The following CPA6 variants were observed in gnomAD, a reference collection of about 807,000 sequenced individuals.
CPA6 encodes the protein carboxypeptidase A6.
CPA6 carries 58 observed loss-of-function variants against 63.3 expected under a neutral mutation model. The observed-to-expected ratio is 0.92, with a 90% confidence interval of 0.74 to 1.14. The LOEUF (loss-of-function observed/expected upper bound fraction) is 1.14. Among genes scored for constraint, CPA6 ranks in the 50% most tolerant of loss-of-function variants. CPA6 has a pLI of 0.00. For synonymous variants in CPA6, 185 were observed against 179.0 expected, an observed-to-expected ratio of 1.03 and a Z score of -0.27; for missense variants, 565 against 526.6, an observed-to-expected ratio of 1.07 and a Z score of -0.71.
rs562245763 is a variant in CPA6 at position 67,631,869 on chromosome 8, G to A, written c.117-7618C>T. ...CACCTTAAGAGCTGTAACACTCACC[G>A]CAAAGGTCTGCAGCTTCACTCCTGA... On this transcript the variant is annotated intron_variant, in intron 1 of 10. Coordinates refer to ENST00000297770, the MANE Select transcript of CPA6 (RefSeq NM_020361.5). Among the ~76,000 whole-genome samples the A allele has an allele frequency of 1.3e-4, 19 of 151,966 alleles. No homozygotes were observed. In the South Asian group the frequency reaches 4.0e-3, roughly 32 times the overall value.
intron 8 of CPA6, among the ~76,000 whole-genome samples, chr8:67,481,849 C>T (rs1159949064): frequency 1.3e-5 from 2 of 152,224 alleles, no homozygotes. Flanking sequence ...ACTTGGCTGC[C>T]TGCCTATCGG....
At chr8:67,565,362 C>G (rs543445660) in intron 2 of CPA6, among the ~76,000 whole-genome samples, 4 of 152,148 alleles carry the variant, frequency 2.6e-5, no homozygotes, top group East Asian at 1.9e-4. Context: ...CAGCAGCATG[C>G]GATTAAAAAA....
At chr8:67,628,354 CAG>C (rs1314190426) in intron 1 of CPA6, among the ~76,000 whole-genome samples, 1 of 152,192 alleles carries the variant, frequency 6.6e-6, no homozygotes, top group East Asian at 1.9e-4. Flanking sequence ...TGTTGAAAGA[CAG>C]AGATGTGAAG....
intron 2 of CPA6, among the ~76,000 whole-genome samples, chr8:67,541,180 C>A (rs1812695644): frequency 6.6e-6 from 1 of 152,092 alleles, no homozygotes; most frequent in Non-Finnish European, 1.5e-5. Context: ...ATGTAGGCAC[C>A]TGAGGGAATC....
intron 8 of CPA6, among the ~76,000 whole-genome samples, chr8:67,458,732 G>C (rs1302049128): frequency 1.3e-5 from 2 of 152,190 alleles, no homozygotes; most frequent in South Asian, 2.1e-4. Flanking sequence ...TTAAAAATGG[G>C]TTAAAGACCT....
At chr8:67,716,051 G>A (rs1024673433) in intron 1 of CPA6, among the ~76,000 whole-genome samples, 2 of 150,904 alleles carry the variant, frequency 1.3e-5, no homozygotes, top group African/African-American at 4.9e-5. Flanking sequence ...CTACTCAAAA[G>A]GCTGAGGCAG....
intron 2 of CPA6, among the ~76,000 whole-genome samples, chr8:67,563,836 T>G (rs1813272733): frequency 6.6e-6 from 1 of 152,180 alleles, no homozygotes; most frequent in Non-Finnish European, 1.5e-5. Flanking sequence ...TCTACCACAT[T>G]CTATGAGTCA....
At chr8:67,570,312 C>T (rs917716145) in intron 2 of CPA6, among the ~76,000 whole-genome samples, 1 of 152,086 alleles carries the variant, frequency 6.6e-6, no homozygotes, top group Non-Finnish European at 1.5e-5. Flanking sequence ...ACAGGAATTG[C>T]TAAAGGGAGT....
chr8:67,695,782 A>G (rs1816902198), intron 1 of CPA6, among the ~76,000 whole-genome samples: 1 of 152,188 alleles, frequency 6.6e-6, no homozygotes, highest in Non-Finnish European at 1.5e-5. Context: ...TCAGTGTCCA[A>G]TATATGGTGC....
At chr8:67,662,634 C>A (rs931502059) in intron 1 of CPA6, among the ~76,000 whole-genome samples, 2 of 150,200 alleles carry the variant, frequency 1.3e-5, no homozygotes, top group Non-Finnish European at 1.5e-5. Flanking sequence ...AGAATACATA[C>A]ACACATGTAT....
intron 4 of CPA6, 148 bp downstream of exon 4, chr8:67,511,393 T>C (rs1468885692): frequency 1.7e-6 from 1 of 600,462 alleles, no homozygotes; most frequent in Non-Finnish European, 3.0e-6. Context: ...GCCTGGGCCA[T>C]GTAAAAGCTA....
At chr8:67,716,976 G>A (rs1168493821) in intron 1 of CPA6, among the ~76,000 whole-genome samples, 4 of 152,162 alleles carry the variant, frequency 2.6e-5, no homozygotes, top group African/African-American at 9.7e-5. Context: ...GGAGGAGTAT[G>A]TTTGTTTCTA....
intron 8 of CPA6, among the ~76,000 whole-genome samples, chr8:67,477,060 GCAGGTGGATCATGAGGT>G (rs1486023361): frequency 1.3e-5 from 2 of 152,020 alleles, no homozygotes; most frequent in African/African-American, 4.8e-5. Flanking sequence ...AGAGGCCGAG[GCAGGTGGATCATGAGGT>G]CAGGAGATAG....
intron 2 of CPA6, among the ~76,000 whole-genome samples, chr8:67,552,843 T>C (rs980814943): frequency 6.8e-6 from 1 of 147,224 alleles, no homozygotes. Flanking sequence ...CTTAATTACA[T>C]TGTAACAAAA....
At chr8:67,507,666 T>C (rs1331026502) in intron 5 of CPA6, among the ~76,000 whole-genome samples, 1 of 152,120 alleles carries the variant, frequency 6.6e-6, no homozygotes, top group Non-Finnish European at 1.5e-5. Flanking sequence ...TATACACTAG[T>C]GGAGAGGGCA....
At chr8:67,455,567 A>G (rs149892528) in intron 8 of CPA6, among the ~76,000 whole-genome samples, 94 of 151,270 alleles carry the variant, frequency 6.2e-4, no homozygotes, top group Non-Finnish European at 1.0e-3. Context: ...TAGAAAAAAA[A>G]AGGTTGAAAA....
intron 8 of CPA6, among the ~76,000 whole-genome samples, chr8:67,457,917 C>T (rs542882847): frequency 6.6e-6 from 1 of 152,144 alleles, no homozygotes; most frequent in Non-Finnish European, 1.5e-5. Context: ...TCAGGCTGTT[C>T]ATTTCCTCTC....
intron 2 of CPA6, among the ~76,000 whole-genome samples, chr8:67,562,970 TC>T (rs1813249917): frequency 6.6e-6 from 1 of 152,208 alleles, no homozygotes; most frequent in African/African-American, 2.4e-5. Context: ...CCCTCTGTTT[TC>T]TCTGTATACG....
At chr8:67,638,004 T>TGTGTGC in intron 1 of CPA6, among the ~76,000 whole-genome samples, 1 of 150,406 alleles carries the variant, frequency 6.6e-6, no homozygotes, top group South Asian at 2.1e-4. Context: ...TGTGTGTGTG[T>TGTGTGC]GTGCATGCAT....
Sources: gnomAD v4.1 joint callset for allele counts (sites outside exome capture counted in the v4.1 genomes callset) on GRCh38, gnomAD v4.1.1 for gene constraint, MANE v1.5 for transcripts, NCBI Gene and HGNC (gene_info 2026-07-23, HGNC 2026-07-21) for gene names.